Variants in RHOT1 observed in about 807,000 individuals in gnomAD.
RHOT1 encodes the protein mitochondrial Rho GTPase 1.
RHOT1 carries 27 observed loss-of-function variants against 95.3 expected under a neutral mutation model. That is an observed-to-expected ratio of 0.28 (90% confidence interval 0.21 to 0.39). RHOT1 has a LOEUF of 0.39. Ranked by LOEUF, RHOT1 falls within the 10% of genes least tolerant of loss-of-function variation. RHOT1 has a pLI of 1.00. For synonymous variants in RHOT1, 227 were observed against 263.5 expected (o/e 0.86, Z 1.34); for missense variants, 578 against 786.7 (o/e 0.73, Z 3.17).
intron 1 of RHOT1, chr17:32,151,494 T>A (rs957405619): frequency 1.6e-6 from 1 of 609,788 alleles, no homozygotes; most frequent in Non-Finnish European, 2.9e-6. Flanking sequence ...TCTGGGGCCA[T>A]TCTGTTCATC....
intron 3 of RHOT1, among the ~76,000 whole-genome samples, chr17:32,174,516 A>G (rs1375506969): frequency 6.6e-6 from 1 of 152,214 alleles, no homozygotes; most frequent in Non-Finnish European, 1.5e-5. Flanking sequence ...TAGCCATATA[A>G]TTAGATTCAC....
chr17:32,198,400 C>T (rs966381237), intron 11 of RHOT1, among the ~76,000 whole-genome samples: 1 of 152,088 alleles, frequency 6.6e-6, no homozygotes, highest in East Asian at 1.9e-4. Flanking sequence ...TTTATATTAA[C>T]CTGCTTTTCT....
intron 13 of RHOT1, among the ~76,000 whole-genome samples, chr17:32,200,486 G>A (rs772778772): frequency 4.6e-5 from 7 of 152,014 alleles, no homozygotes; most frequent in Non-Finnish European, 8.8e-5. Context: ...GGGCCAGGCA[G>A]CGTGGCTCAT....
At chr17:32,220,383 A>G (rs1431002300) in intron 19 of RHOT1, among the ~76,000 whole-genome samples, 1 of 152,212 alleles carries the variant, frequency 6.6e-6, no homozygotes, top group Non-Finnish European at 1.5e-5. Context: ...AAATAATAAA[A>G]TAAAAGGAGA....
At chr17:32,145,419 G>A (rs2031167699) in intron 1 of RHOT1, among the ~76,000 whole-genome samples, 1 of 152,066 alleles carries the variant, frequency 6.6e-6, no homozygotes, top group Admixed American at 6.6e-5. Flanking sequence ...TTAAGAAAAT[G>A]GAACTGTTAT....
chr17:32,178,252 C>T (rs1390216480), intron 6 of RHOT1, among the ~76,000 whole-genome samples: 4 of 149,550 alleles, frequency 2.7e-5, no homozygotes, highest in African/African-American at 4.9e-5. Flanking sequence ...ACTGTACTGC[C>T]GTGATCTCGG....
intron 1 of RHOT1, among the ~76,000 whole-genome samples, chr17:32,148,037 G>A (rs541778176): frequency 2.6e-5 from 4 of 152,224 alleles, no homozygotes; most frequent in African/African-American, 7.2e-5. Flanking sequence ...AGGCTGAGGC[G>A]GGCGGATCAC....
At chr17:32,176,542 TTTTATTTA>T (rs368484694) in intron 6 of RHOT1, among the ~76,000 whole-genome samples, 3,662 of 140,606 alleles carry the variant, frequency 0.026, 153 homozygotes, top group African/African-American at 0.091. Flanking sequence ...AAAGTCTCAG[TTTTATTTA>T]TTTATTTATT....
intron 1 of RHOT1, among the ~76,000 whole-genome samples, chr17:32,167,254 T>G (rs2034167862): frequency 6.6e-6 from 1 of 152,160 alleles, no homozygotes; most frequent in African/African-American, 2.4e-5. Context: ...AATAAACCAT[T>G]CTGTAAACAA....
chr17:32,216,207 T>G (rs1197723349), intron 19 of RHOT1, among the ~76,000 whole-genome samples: 1 of 152,132 alleles, frequency 6.6e-6, no homozygotes, highest in Non-Finnish European at 1.5e-5. Flanking sequence ...AATTTGTCCT[T>G]TTTTAGGTGT....
chr17:32,196,959 T>A (rs2036933645), intron 11 of RHOT1, among the ~76,000 whole-genome samples: 1 of 151,722 alleles, frequency 6.6e-6, no homozygotes, highest in Non-Finnish European at 1.5e-5. Context: ...CCATCTCTAC[T>A]AAAAATACAA....
At chr17:32,222,236 A>G (rs1267870336) in intron 19 of RHOT1, among the ~76,000 whole-genome samples, 1 of 152,036 alleles carries the variant, frequency 6.6e-6, no homozygotes, top group African/African-American at 2.4e-5. Context: ...GGAGTTGTAA[A>G]CTTCTGTTAC....
chr17:32,157,822 C>T (rs1174115230), intron 1 of RHOT1, among the ~76,000 whole-genome samples: 3 of 151,108 alleles, frequency 2.0e-5, no homozygotes, highest in South Asian at 4.2e-4. Context: ...CACCCCGCCG[C>T]CCAGAAAAAA....
chr17:32,221,403 G>A (rs933547074), intron 19 of RHOT1, among the ~76,000 whole-genome samples: 8 of 151,520 alleles, frequency 5.3e-5, no homozygotes, highest in African/African-American at 1.9e-4. Context: ...AAAGAAATGA[G>A]CCAGAAGCTT....
intron 1 of RHOT1, among the ~76,000 whole-genome samples, chr17:32,160,525 G>T (rs1221292166): frequency 2.0e-5 from 3 of 152,202 alleles, no homozygotes; most frequent in African/African-American, 4.8e-5. Flanking sequence ...GAGAAGAGCT[G>T]CAGTCCTTCA....
intron 2 of RHOT1, among the ~76,000 whole-genome samples, chr17:32,171,394 CTT>C (rs1158948722): frequency 6.6e-6 from 1 of 152,148 alleles, no homozygotes; most frequent in Non-Finnish European, 1.5e-5. Context: ...CCAGTTGAGA[CTT>C]TTTAAAAAGC....
rs1465161003 is a variant in RHOT1, at chr17:32,142,569, G to A, written c.-124G>A. ...GCTCTCTTGCGGGGAAGCAACTGAG[G>A]GGGCGGCGCGGCGGGCCCCGGCGGC... On this transcript the variant is annotated 5_prime_UTR_variant, in exon 1 of 20. Transcript: ENST00000545287. The A allele has an allele frequency of 2.7e-6, 2 of 744,344 alleles. No individual in the cohort carries two copies. The highest frequency in any genetic ancestry group is 2.0e-6 in the Non-Finnish European group (1 of 496,784). 46.1% of individuals were successfully genotyped at this position (744,344 alleles called of 1,614,324 possible).
chr17:32,190,544 A>T (rs1188803594), intron 8 of RHOT1, among the ~76,000 whole-genome samples: 1 of 152,174 alleles, frequency 6.6e-6, no homozygotes. Context: ...AAAATCACTT[A>T]GACAAAATAA....
intron 8 of RHOT1, among the ~76,000 whole-genome samples, chr17:32,186,808 A>G (rs544098509): frequency 1.3e-5 from 2 of 152,046 alleles, no homozygotes; most frequent in South Asian, 2.1e-4. Flanking sequence ...CTACAGGTGC[A>G]TGCCACCACA....
Sources: gnomAD v4.1 joint callset for allele counts (sites outside exome capture counted in the v4.1 genomes callset) on GRCh38, gnomAD v4.1.1 for gene constraint, MANE v1.5 for transcripts, NCBI Gene and HGNC (gene_info 2026-07-23, HGNC 2026-07-21) for gene names.